Variants in TUBB observed in about 807,000 individuals in gnomAD.
TUBB encodes tubulin beta class I, also known as tubulin beta chain.
In TUBB, 2 loss-of-function variants were observed where a neutral mutation model predicts 35.1. That is an observed-to-expected ratio of 0.06 (90% CI 0.02 to 0.18). TUBB has a LOEUF of 0.18. Among genes scored for constraint, TUBB ranks in the 10% least tolerant of loss-of-function variants. The pLI is 1.00. For synonymous variants in TUBB, 205 were observed against 223.8 expected (o/e 0.92, Z 0.75); for missense variants, 50 against 599.4 (o/e 0.08, Z 9.57).
intron 1 of TUBB, chr6:30,721,792 G>C (rs1776289633): frequency 1.0e-6 from 1 of 985,302 alleles, no homozygotes; most frequent in Non-Finnish European, 1.2e-6. Context: ...TGGCTTTCTC[G>C]GGGGAGCGAG....
At chr6:30,720,597 C>T (rs893171565) in intron 1 of TUBB, 34 bp downstream of exon 1, 2 of 1,591,490 alleles carry the variant, frequency 1.3e-6, no homozygotes, top group Non-Finnish European at 1.7e-6. Flanking sequence ...TTTCTTTTTA[C>T]AAGGAAAAAT....
chr6:30,721,691 AGGAGAGC>A, intron 1 of TUBB: 1 of 985,282 alleles, frequency 1.0e-6, no homozygotes, highest in Non-Finnish European at 1.2e-6. Context: ...GCTTGGGGGA[AGGAGAGC>A]GGCGCTTATC....
intron 2 of TUBB, 33 bp downstream of exon 2, chr6:30,722,678 C>T (rs760447938): frequency 1.7e-5 from 27 of 1,547,732 alleles, no homozygotes; most frequent in Non-Finnish European, 3.6e-6. Context: ...CTCAGGTTCC[C>T]TTCCCTGTCT....
intron 1 of TUBB, among the ~76,000 whole-genome samples, chr6:30,721,198 G>A (rs1371000008): frequency 6.6e-6 from 1 of 152,210 alleles, no homozygotes; most frequent in Admixed American, 6.5e-5. Flanking sequence ...TTTAGGGCGT[G>A]AACAGATATG....
intron 1 of TUBB, chr6:30,722,014 G>A (rs921451062): frequency 1.8e-6 from 1 of 556,278 alleles, no homozygotes; most frequent in Non-Finnish European, 2.3e-6. Flanking sequence ...TTAGCTGGGC[G>A]TGGTGGCGCG....
At chr6:30,722,787 A>G (rs1776378368) in intron 2 of TUBB, 131 bp from the exon 3 acceptor site, 6 of 1,116,562 alleles carry the variant, frequency 5.4e-6, no homozygotes, top group Admixed American at 2.4e-5. Flanking sequence ...TCGGGGCCAA[A>G]GACGTCTGCT....
chr6:30,721,003 C>T (rs966300903), intron 1 of TUBB, among the ~76,000 whole-genome samples: 1 of 152,246 alleles, frequency 6.6e-6, no homozygotes, highest in African/African-American at 2.4e-5. Flanking sequence ...CTGCAGAGAG[C>T]TCCAGCGCAA....
At chr6:30,722,764 T>TCC in intron 2 of TUBB, 119 bp downstream of exon 2, 3 of 1,149,642 alleles carry the variant, frequency 2.6e-6, no homozygotes, top group Middle Eastern at 2.0e-4. Flanking sequence ...TTTGTCCCTT[T>TCC]CGTGAACCAC....
At chr6:30,721,569 A>G (rs1776256592) in intron 1 of TUBB, 2 of 984,838 alleles carry the variant, frequency 2.0e-6, no homozygotes, top group African/African-American at 3.5e-5. Flanking sequence ...CGGCGGCTCG[A>G]CCTGCGCGTG....
chr6:30,720,412 C>G lies in TUBB; in HGVS notation c.-95C>G, dbSNP rs113155531. 1.6e-6 allele frequency: 2 copies of G among 1,284,978 alleles called. No homozygotes were observed. Among genetic ancestry groups the G allele is most frequent in the African/African-American group, 1.5e-5 (1 of 67,712 alleles). The allele number at this position is 1,284,978 out of a possible 1,614,324, so 79.6% of individuals were successfully genotyped here. ...GCTGCTCCAGCCTCTGGGGCGCATT[C>G]CAACCTTCCAGCCTGCGACCTGCGG... On this transcript the variant is annotated 5_prime_UTR_variant, in exon 1 of 4. Coordinates refer to ENST00000327892, the MANE Select transcript of TUBB (RefSeq NM_178014.4).
At chr6:30,721,623 G>T in intron 1 of TUBB, 1 of 985,428 alleles carries the variant, frequency 1.0e-6, no homozygotes, top group Non-Finnish European at 1.2e-6. Flanking sequence ...CGACTGCGGC[G>T]GCAGCTCTTT....
In TUBB at chr6:30,724,670, G is replaced by T; in HGVS notation, c.*273G>T. On this transcript the variant is annotated 3_prime_UTR_variant, in exon 4 of 4. Coordinates refer to ENST00000327892, the MANE Select transcript of TUBB (RefSeq NM_178014.4). This position sits in a 1 kb window ranked among gnomAD's most constrained non-coding sequence, Gnocchi z 4.4. The stretch of plus-strand genomic sequence containing the variant: ...TTCTGGTGCCCATTCCATTTGTCCA[G>T]TTAATACTTCCTCTTAAAAATCTCC... 1 of 469,198 alleles carries T rather than the reference G, an allele frequency of 2.1e-6. No individual in the cohort carries two copies. The highest frequency in any genetic ancestry group is 3.3e-5 in the East Asian group (1 of 29,958). 29.1% of individuals were successfully genotyped at this position (469,198 alleles called of 1,614,324 possible). A position where few individuals can be genotyped will look rare whatever the true frequency, so the allele number is the denominator to read the frequency against.
chr6:30,720,812 G>A (rs976263307), intron 1 of TUBB, among the ~76,000 whole-genome samples: 4 of 152,248 alleles, frequency 2.6e-5, no homozygotes, highest in Non-Finnish European at 4.4e-5. Flanking sequence ...CGGGAAGACC[G>A]AGGACTTATA....
intron 2 of TUBB, 67 bp from the exon 3 acceptor site, chr6:30,722,851 A>T: frequency 7.2e-7 from 1 of 1,386,046 alleles, no homozygotes; most frequent in African/African-American, 1.4e-5. Flanking sequence ...GCTGTCTCCC[A>T]TTTCCAGTAT....
chr6:30,721,606 G>A (rs921390413), intron 1 of TUBB: 16 of 985,310 alleles, frequency 1.6e-5, no homozygotes, highest in South Asian at 4.7e-5. Flanking sequence ...AGGGCGGGGG[G>A]GGTGGTCGAC....
At chr6:30,721,409 AGGGCGGGGCCCTGCG>A (rs1248018546) in intron 1 of TUBB, 4 of 193,420 alleles carry the variant, frequency 2.1e-5, no homozygotes, top group South Asian at 3.7e-4. Flanking sequence ...TTGTAGCAGA[AGGGCGGGGCCCTGCG>A]GGGCGGGGCC....
In TUBB at chr6:30,723,620, C is replaced by G. The variant is rs2127749326; in HGVS notation, c.558C>G (p.Thr186=). The change falls in exon 4 of 4, where the codon ACC becomes ACG. Residue 186 remains threonine (T), a synonymous_variant. Coordinates refer to ENST00000327892, the MANE Select transcript of TUBB (RefSeq NM_178014.4). ...SDTVVEPYNA[T]LSVHQLVENT... Reference sequence around the variant, plus strand: ...CCGTGGTCGAGCCCTACAATGCCACCCTCTCCGTCCATCAGTTGGTAGAGA... The same window carrying G: ...CCGTGGTCGAGCCCTACAATGCCACGCTCTCCGTCCATCAGTTGGTAGAGA... The G allele has an allele frequency of 2.5e-6, 4 of 1,614,208 alleles. No individual in the cohort carries two copies. The East Asian group carries it at 8.9e-5, about 36-fold the overall frequency.
At chr6:30,723,112 A>G in intron 3 of TUBB, 84 bp downstream of exon 3, 1 of 1,200,810 alleles carries the variant, frequency 8.3e-7, no homozygotes, top group Non-Finnish European at 1.2e-6. Context: ...AAGTTAGGAG[A>G]TGATTGTTGT....
rs878953242 is a variant in TUBB, at chr6:30,720,375, C to T, written c.-132C>T. 6.4e-5 allele frequency: 54 copies of T among 839,954 alleles called. No individual in the cohort carries two copies. The highest frequency in any genetic ancestry group is 5.9e-4 in the South Asian group (42 of 71,454). The allele number at this position is 839,954 out of a possible 1,614,324, so 52.0% of individuals were successfully genotyped here. A position where few individuals can be genotyped will look rare whatever the true frequency, so the allele number is the denominator to read the frequency against. On this transcript the variant is annotated 5_prime_UTR_variant, in exon 1 of 4. Transcript: ENST00000327892. ...CCCTCTCAGAACCTTCCTGCCGTCG[C>T]GTTTGCACCTCGCTGCTCCAGCCTC...
Sources: allele counts gnomAD v4.1 joint callset (sites outside exome capture counted in the v4.1 genomes callset), GRCh38; gene constraint gnomAD v4.1.1; non-coding constraint Gnocchi (gnomAD v3.1); transcripts MANE v1.5; gene names NCBI Gene and HGNC (gene_info 2026-07-23, HGNC 2026-07-21).